TMEM245: variants seen among roughly 807,000 people sequenced by gnomAD.
TMEM245 encodes transmembrane protein 245.
TMEM245 carries 69 observed loss-of-function variants against 101.2 expected under a neutral mutation model. That is an observed-to-expected ratio of 0.68 (90% CI 0.56 to 0.83). TMEM245 has a LOEUF of 0.83. Among genes scored for constraint, TMEM245 ranks in the 40% least tolerant of loss-of-function variants. TMEM245 has a pLI of 0.00. For missense variants in TMEM245, 1,075 were observed against 1,092.8 expected, an observed-to-expected ratio of 0.98 and a Z score of 0.23; for synonymous variants, 537 against 449.8, an observed-to-expected ratio of 1.19 and a Z score of -2.45.
chr9:109,051,882 T>A (rs117010292), intron 12 of TMEM245, among the ~76,000 whole-genome samples: 236 of 152,292 alleles, frequency 1.5e-3, no homozygotes, highest in Non-Finnish European at 2.4e-3. Flanking sequence ...ATCACCTCAA[T>A]GACTTCATTA....
intron 14 of TMEM245, among the ~76,000 whole-genome samples, chr9:109,040,497 A>G (rs1588026377): frequency 6.6e-6 from 1 of 152,032 alleles, no homozygotes; most frequent in East Asian, 1.9e-4. Flanking sequence ...CTATTGTCAA[A>G]CCCTCCCTAA....
chr9:109,075,909 T>C (rs939367597), intron 8 of TMEM245, among the ~76,000 whole-genome samples: 8 of 152,238 alleles, frequency 5.3e-5, no homozygotes, highest in African/African-American at 1.9e-4. Flanking sequence ...TTGCTATTAT[T>C]TGCTAGCTTC....
chr9:109,088,742 G>A (rs943838230), intron 5 of TMEM245, among the ~76,000 whole-genome samples: 4 of 149,582 alleles, frequency 2.7e-5, no homozygotes, highest in Non-Finnish European at 4.4e-5. Context: ...TGTGAACCCA[G>A]GAAGTGAAGC....
At chr9:109,056,322 G>A (rs1222596208) in intron 12 of TMEM245, among the ~76,000 whole-genome samples, 3 of 150,994 alleles carry the variant, frequency 2.0e-5, no homozygotes, top group Admixed American at 6.6e-5. Context: ...GGCCAGGTGT[G>A]ATGGCTCATG....
intron 15 of TMEM245, among the ~76,000 whole-genome samples, chr9:109,037,348 G>C (rs949135150): frequency 6.6e-6 from 1 of 152,162 alleles, no homozygotes. Flanking sequence ...TAGGTGTTAT[G>C]CTAAGTGCTA....
chr9:109,104,969 G>A (rs1830371961), intron 3 of TMEM245, among the ~76,000 whole-genome samples: 2 of 152,112 alleles, frequency 1.3e-5, no homozygotes, highest in African/African-American at 2.4e-5. Context: ...TTTGTCAGAT[G>A]ACATCAAAAA....
At position 109,016,094 on chromosome 9, in the gene TMEM245, A is replaced by G. The variant is rs1409367824; in HGVS notation, c.*4366T>C. ...AGAGTTGTAAACTTGATCAAGGGCC[A>G]TGTTTCTCAAAGGACCCTGTAGTCC... On this transcript the variant is annotated 3_prime_UTR_variant, in exon 18 of 18. Transcript: ENST00000374586. 6.6e-6 allele frequency: 1 copy of G among 152,642 alleles called. No homozygotes were observed. Among genetic ancestry groups the G allele is most frequent in the Non-Finnish European group, 1.5e-5 (1 of 68,038 alleles). 9.5% of individuals were successfully genotyped at this position (152,642 alleles called of 1,614,324 possible). A position where few individuals can be genotyped will look rare whatever the true frequency, so the allele number is the denominator to read the frequency against.
At chr9:109,073,856 G>GTTTTTTT (rs904054098) in intron 8 of TMEM245, among the ~76,000 whole-genome samples, 3 of 119,810 alleles carry the variant, frequency 2.5e-5, no homozygotes, top group African/African-American at 3.3e-5. Context: ...TTTTTTTTTT[G>GTTTTTTT]TTTTTTTTTT....
At chr9:109,033,248 A>T (rs2132311163) in intron 17 of TMEM245, 59 bp downstream of exon 17, 2 of 1,450,600 alleles carry the variant, frequency 1.4e-6, no homozygotes, top group South Asian at 1.6e-5. Flanking sequence ...CTTATCAAAT[A>T]CAGAGACAGG....
intron 10 of TMEM245, among the ~76,000 whole-genome samples, chr9:109,060,799 CAT>C (rs1345749319): frequency 1.3e-5 from 2 of 152,214 alleles, no homozygotes; most frequent in African/African-American, 2.4e-5. Context: ...TTCCATTATA[CAT>C]ATGTCTCATG....
chr9:109,114,765 C>T (rs1402885220), intron 1 of TMEM245, among the ~76,000 whole-genome samples: 1 of 152,184 alleles, frequency 6.6e-6, no homozygotes, highest in Non-Finnish European at 1.5e-5. Context: ...CAGGGCACGC[C>T]ATCAGCTTTT....
At chr9:109,102,500 T>C (rs980557798) in intron 3 of TMEM245, among the ~76,000 whole-genome samples, 4 of 152,176 alleles carry the variant, frequency 2.6e-5, no homozygotes, top group African/African-American at 9.6e-5. Context: ...GAGAATAAAA[T>C]GAAGATGTTA....
chr9:109,035,173 A>AG (rs1828084165), intron 16 of TMEM245, among the ~76,000 whole-genome samples: 1 of 151,758 alleles, frequency 6.6e-6, no homozygotes, highest in African/African-American at 2.4e-5. Flanking sequence ...AAAAAAAAAA[A>AG]AAAAAAAAGA....
intron 8 of TMEM245, 72 bp from the exon 9 acceptor site, chr9:109,073,510 CTA>C: frequency 8.4e-7 from 1 of 1,184,210 alleles, no homozygotes; most frequent in African/African-American, 1.5e-5. Context: ...TTTTTCTACT[CTA>C]TTATTGGAAC....
chr9:109,072,962 C>A (rs991100674), intron 9 of TMEM245, among the ~76,000 whole-genome samples: 1 of 152,118 alleles, frequency 6.6e-6, no homozygotes, highest in Non-Finnish European at 1.5e-5. Flanking sequence ...ATGACTCTGC[C>A]ACTGCGGAAT....
chr9:109,099,937 C>T (rs953742246), intron 3 of TMEM245, among the ~76,000 whole-genome samples: 19 of 152,154 alleles, frequency 1.2e-4, no homozygotes, highest in African/African-American at 4.6e-4. Flanking sequence ...CCTTGTACCA[C>T]GTGATGATAC....
chr9:109,057,682 C>T (rs1390558697), intron 11 of TMEM245, among the ~76,000 whole-genome samples: 1 of 151,948 alleles, frequency 6.6e-6, no homozygotes, highest in Non-Finnish European at 1.5e-5. Context: ...ATCCAGGAGG[C>T]GGAGGTTGCA....
At position 109,016,939 on chromosome 9, in the gene TMEM245, T is replaced by TG. The variant is rs942948396; in HGVS notation, c.*3520dup. 1.3e-4 allele frequency: 18 copies of TG among 138,852 alleles called. No homozygotes were observed. The highest frequency in any genetic ancestry group is 4.4e-4 in the African/African-American group (17 of 38,654). The allele number at this position is 138,852 out of a possible 1,614,324, so 8.6% of individuals were successfully genotyped here. On this transcript the variant is annotated 3_prime_UTR_variant, in exon 18 of 18. Transcript: ENST00000374586. ...AGAAGTCCTAAGGGTTTTTGTATTT[T>TG]GTTTTTTTTTCCTATAAACCCTGAG... is the stretch of plus-strand genomic sequence containing the variant.
chr9:109,073,846 T>G (rs1829407821), intron 8 of TMEM245, among the ~76,000 whole-genome samples: 3 of 145,306 alleles, frequency 2.1e-5, no homozygotes, highest in Non-Finnish European at 4.5e-5. Flanking sequence ...GGAACTAACT[T>G]TTTTTTTTTG....
Sources: gnomAD v4.1 joint callset for allele counts (sites outside exome capture counted in the v4.1 genomes callset) on GRCh38, gnomAD v4.1.1 for gene constraint, MANE v1.5 for transcripts, NCBI Gene and HGNC (gene_info 2026-07-23, HGNC 2026-07-21) for gene names.